The following PICALM variants were observed in gnomAD, a reference collection of about 807,000 sequenced individuals.
PICALM encodes the protein phosphatidylinositol binding clathrin assembly protein.
PICALM carries 40 observed loss-of-function variants against 80.5 expected under a neutral mutation model. That is an observed-to-expected ratio of 0.50 (90% CI 0.39 to 0.65). PICALM has a LOEUF of 0.65. PICALM is among the 30% of genes least tolerant of loss of function. The pLI is 0.00. For missense variants in PICALM, 676 were observed against 778.9 expected, an observed-to-expected ratio of 0.87 and a Z score of 1.57; for synonymous variants, 288 against 260.3, an observed-to-expected ratio of 1.11 and a Z score of -1.02.
At chr11:86,031,955 ATACTGGTATTATTCATC>A (rs1326952791) in intron 1 of PICALM, among the ~76,000 whole-genome samples, 6 of 152,340 alleles carry the variant, frequency 3.9e-5, no homozygotes, top group African/African-American at 1.4e-4. Flanking sequence ...TTCCATTAAA[ATACTGGTATTATTCATC>A]TCTTTAAAAT....
chr11:86,012,373 G>A lies in PICALM; in HGVS notation c.566C>T (p.Thr189Ile). 6.2e-7 allele frequency: 1 copy of A among 1,604,902 alleles called. No homozygotes were observed. The highest frequency in any genetic ancestry group is 8.5e-7 in the Non-Finnish European group (1 of 1,172,664). Reference protein sequence around the residue: ...LDFNVNSNELTNGVINAAFML... With the variant: ...LDFNVNSNELINGVINAAFML... ...GAAGGCAGCATTTATTACCCCATTT[G>A]TAAGTTCATTGCTATTAACCTAGGG... is the stretch of plus-strand genomic sequence containing the variant. Residue 189 changes from threonine to isoleucine, a missense_variant, in exon 6 of 20, where the codon ACA becomes ATA. This residue lies in a region of PICALM where 285 missense variants were observed against 395.4 expected (regional missense o/e 0.72). Transcript: ENST00000393346.
chr11:86,043,616 A>G (rs1204548000), intron 1 of PICALM, among the ~76,000 whole-genome samples: 1 of 152,214 alleles, frequency 6.6e-6, no homozygotes, highest in Non-Finnish European at 1.5e-5. Context: ...ATCTTCCACA[A>G]TGTGACACAG....
At chr11:85,973,213 C>G (rs952555943) in intron 19 of PICALM, among the ~76,000 whole-genome samples, 14 of 152,172 alleles carry the variant, frequency 9.2e-5, no homozygotes, top group Admixed American at 2.6e-4. Context: ...TTAATCAGAA[C>G]TAAATTCACT....
At position 86,027,336 on chromosome 11, in the gene PICALM, T is replaced by C. The variant is rs184094676; in HGVS notation, c.274-969A>G. On this transcript the variant is annotated intron_variant, in intron 2 of 19. Coordinates refer to ENST00000393346, the MANE Select transcript of PICALM (RefSeq NM_007166.4). ...AAAATGGTCTCTGAAGTGCTTACCA[T>C]AGTACATAACCTTAGTCTCCTTCAC... 6.8e-4 allele frequency among the ~76,000 whole-genome samples: 104 copies of C among 152,258 alleles called. 2 individuals carry two copies. Among genetic ancestry groups the C allele is most frequent in the Admixed American group, 2.4e-3 (37 of 15,280 alleles).
intron 1 of PICALM, among the ~76,000 whole-genome samples, chr11:86,059,745 G>C (rs1021032790): frequency 1.3e-5 from 2 of 152,136 alleles, no homozygotes. Flanking sequence ...TTGGGTGACA[G>C]AGCCAGACCC....
chr11:86,016,014 A>T (rs1434668030), intron 4 of PICALM, among the ~76,000 whole-genome samples: 3 of 152,148 alleles, frequency 2.0e-5, no homozygotes, highest in Non-Finnish European at 4.4e-5. Flanking sequence ...ATTCTCCCTA[A>T]TGTGTTAACT....
intron 14 of PICALM, among the ~76,000 whole-genome samples, chr11:85,982,424 T>C (rs868416476): frequency 6.9e-5 from 2 of 28,826 alleles, no homozygotes; most frequent in African/African-American, 3.4e-4. Context: ...TTTTATAGAC[T>C]TTTTTTTTTT....
chr11:85,974,219 T>C (rs2094200187), intron 19 of PICALM, among the ~76,000 whole-genome samples: 1 of 152,214 alleles, frequency 6.6e-6, no homozygotes, highest in East Asian at 1.9e-4. Flanking sequence ...CTCCTTTTTT[T>C]GGTTTTTGAA....
At position 85,978,038 on chromosome 11, in the gene PICALM, T is replaced by C. The variant is rs770215660; in HGVS notation, c.1780-1356A>G. On this transcript the variant is annotated intron_variant, in intron 17 of 19. Coordinates refer to ENST00000393346, the MANE Select transcript of PICALM (RefSeq NM_007166.4). Reference sequence around the variant, plus strand: ...AGCAGTGGTTAATAGCATGCCAATTTATTGCAAAAAGGCTCGTTTTTGGTC... The same window carrying C: ...AGCAGTGGTTAATAGCATGCCAATTCATTGCAAAAAGGCTCGTTTTTGGTC... 1.8e-5 allele frequency: 29 copies of C among 1,587,350 alleles called. No homozygotes were observed. The South Asian group carries it at 3.0e-4, about 16-fold the overall frequency.
chr11:85,970,454 C>T (rs998206942), intron 19 of PICALM, among the ~76,000 whole-genome samples: 2 of 152,130 alleles, frequency 1.3e-5, no homozygotes, highest in Non-Finnish European at 2.9e-5. Flanking sequence ...AATAGGGAGG[C>T]TTCATGAGGT....
intron 5 of PICALM, 38 bp downstream of exon 5, chr11:86,014,832 A>C (rs2095454970): frequency 1.1e-5 from 13 of 1,213,718 alleles, no homozygotes; most frequent in East Asian, 2.5e-5. Flanking sequence ...ATAATGACCT[A>C]ATTTTTTAAA....
At chr11:86,009,582 C>T (rs2095355162) in intron 7 of PICALM, among the ~76,000 whole-genome samples, 1 of 152,178 alleles carries the variant, frequency 6.6e-6, no homozygotes, top group South Asian at 2.1e-4. Flanking sequence ...ATCCCAGCTA[C>T]TCGGGAGGCT....
rs778319596 is a variant in PICALM, at chr11:85,985,744, T to A, written c.1409-1771A>T. The stretch of plus-strand genomic sequence containing the variant: ...GCTTAATTATGTGTCCATGCTATCA[T>A]CAGAGTGTAAGTAGTACAAACAATG... On this transcript the variant is annotated intron_variant, in intron 13 of 19. Coordinates refer to ENST00000393346, the MANE Select transcript of PICALM (RefSeq NM_007166.4). Among the ~76,000 whole-genome samples the A allele has an allele frequency of 2.6e-5, 4 of 152,338 alleles. No homozygotes were observed. In the East Asian group the frequency reaches 5.8e-4, roughly 22 times the overall value.
intron 4 of PICALM, among the ~76,000 whole-genome samples, chr11:86,020,168 G>A (rs1301027200): frequency 3.9e-5 from 6 of 151,910 alleles, no homozygotes; most frequent in Non-Finnish European, 8.8e-5. Context: ...TGCATCTTCT[G>A]CATTTAAGAT....
At chr11:86,055,453 G>A (rs2096254367) in intron 1 of PICALM, among the ~76,000 whole-genome samples, 1 of 151,918 alleles carries the variant, frequency 6.6e-6, no homozygotes, top group South Asian at 2.1e-4. Flanking sequence ...TTCTGAAAAT[G>A]TAAAAAATAT....
chr11:85,988,423 A>G (rs2094646306), intron 13 of PICALM, among the ~76,000 whole-genome samples: 2 of 152,214 alleles, frequency 1.3e-5, no homozygotes, highest in Non-Finnish European at 2.9e-5. Flanking sequence ...ACTCATTTTA[A>G]GAAAAAAAAA....
chr11:86,049,068 G>A (rs1487026948), intron 1 of PICALM, among the ~76,000 whole-genome samples: 2 of 152,150 alleles, frequency 1.3e-5, no homozygotes, highest in Non-Finnish European at 1.5e-5. Context: ...CAAGGCGGGT[G>A]GATCACATGA....
rs571524417 is a variant in PICALM at position 86,056,143 on chromosome 11, A to AAAAAAAAG, written c.130+12500_130+12507dup. Among the ~76,000 whole-genome samples the AAAAAAAAG allele has an allele frequency of 4.4e-4, 64 of 143,892 alleles. 3 individuals are homozygous for AAAAAAAAG. Among genetic ancestry groups the AAAAAAAAG allele is most frequent in the Non-Finnish European group, 7.1e-4 (47 of 65,912 alleles). The allele number at this position is 143,892 out of a possible 152,430, so 94.4% of individuals were successfully genotyped here. A position where few individuals can be genotyped will look rare whatever the true frequency, so the allele number is the denominator to read the frequency against. Reference sequence around the variant, plus strand: ...GAACAAGACTCTGTCTTTAAAAAAAAAAAAAAAGAAAAAACCCTTGAAAAA... The same window carrying AAAAAAAAG: ...GAACAAGACTCTGTCTTTAAAAAAAAAAAAAAAGAAAAAAAGAAAAAACCCTTGAAAAA... On this transcript the variant is annotated intron_variant, in intron 1 of 19. Coordinates refer to ENST00000393346, the MANE Select transcript of PICALM (RefSeq NM_007166.4).
chr11:85,967,844 G>T (rs894527958), intron 19 of PICALM, among the ~76,000 whole-genome samples: 2 of 152,210 alleles, frequency 1.3e-5, no homozygotes, highest in African/African-American at 4.8e-5. Flanking sequence ...AGGCAACAGT[G>T]TTCCCATTTA....
Sources: gnomAD v4.1 joint callset for allele counts (sites outside exome capture counted in the v4.1 genomes callset) on GRCh38, gnomAD v4.1.1 for gene constraint, gnomAD v4.1.1 regional missense constraint, MANE v1.5 for transcripts, NCBI Gene and HGNC (gene_info 2026-07-23, HGNC 2026-07-21) for gene names.